MICAL3: variants seen among roughly 807,000 people sequenced by gnomAD.
MICAL3 encodes microtubule associated monooxygenase, calponin and LIM domain containing 3.
MICAL3 carries 62 observed loss-of-function variants against 207.4 expected under a neutral mutation model. That is an observed-to-expected ratio of 0.30 (90% CI 0.24 to 0.37). The LOEUF (loss-of-function observed/expected upper bound fraction) is 0.37, where lower values mean the gene tolerates loss of function less well. MICAL3 is among the 10% of genes least tolerant of loss of function. The pLI, the probability that MICAL3 is intolerant of heterozygous loss-of-function variation, is 1.00. For synonymous variants in MICAL3, 1,077 were observed against 1,069.3 expected (o/e 1.01, Z -0.14); for missense variants, 2,368 against 2,635.6 (o/e 0.90, Z 2.22).
intron 1 of MICAL3, among the ~76,000 whole-genome samples, chr22:17,960,983 G>C (rs1484305713): frequency 6.6e-6 from 1 of 152,106 alleles, no homozygotes; most frequent in African/African-American, 2.4e-5. Context: ...CATTGACTGG[G>C]GTGCGAGGGG....
At chr22:17,995,999 A>G (rs1419021149) in intron 1 of MICAL3, among the ~76,000 whole-genome samples, 1 of 151,912 alleles carries the variant, frequency 6.6e-6, no homozygotes, top group East Asian at 1.9e-4. Context: ...CATCTCTACA[A>G]AAAATTTTAA....
intron 19 of MICAL3, chr22:17,861,588 G>A (rs1926520245): frequency 1.0e-6 from 1 of 985,306 alleles, no homozygotes; most frequent in South Asian, 4.7e-5. Flanking sequence ...TCATGTCCAA[G>A]GGGAAAATAA....
chr22:17,939,232 T>A (rs569770373), intron 1 of MICAL3, among the ~76,000 whole-genome samples: 1 of 152,184 alleles, frequency 6.6e-6, no homozygotes, highest in East Asian at 1.9e-4. Context: ...CCCCTCAACC[T>A]TGGACTTCCC....
Position 17,832,023 on chromosome 22 carries a change from C to G in MICAL3, c.2886G>C (p.Pro962=), listed in dbSNP as rs1275619029. 6.2e-7 allele frequency: 1 copy of G among 1,606,546 alleles called. No individual in the cohort carries two copies. The highest frequency in any genetic ancestry group is 2.2e-5 in the East Asian group (1 of 44,666). The change falls in exon 21 of 32, where the codon CCG becomes CCC. Residue 962 remains proline, a synonymous_variant. Transcript: ENST00000441493. The part of the protein sequence containing the change: ...RLPPSDLGGV[P]WKEAVRIHAL... ...CATGGATCCGCACGGCCTCCTTCCA[C>G]GGAACACCACCCAGGTCAGATGGGG...
chr22:17,966,527 G>A (rs1935151056), intron 1 of MICAL3, among the ~76,000 whole-genome samples: 1 of 152,204 alleles, frequency 6.6e-6, no homozygotes, highest in Non-Finnish European at 1.5e-5. Flanking sequence ...TTCCTCAGGG[G>A]AAGAACCATG....
At chr22:17,899,601 T>C in intron 6 of MICAL3, 53 bp from the exon 7 acceptor site, 1 of 1,187,568 alleles carries the variant, frequency 8.4e-7, no homozygotes, top group South Asian at 1.3e-5. Flanking sequence ...TGAAGGTGCA[T>C]CAGGGCAGGC....
intron 29 of MICAL3, among the ~76,000 whole-genome samples, chr22:17,798,512 T>C (rs1178137439): frequency 3.3e-5 from 5 of 152,324 alleles, no homozygotes; most frequent in Admixed American, 6.5e-5. Flanking sequence ...CCTGCCTCTC[T>C]GGGCAGCCAC....
At chr22:17,810,431 G>C (rs397877) in intron 28 of MICAL3, among the ~76,000 whole-genome samples, 76,695 of 151,374 alleles carry the variant, frequency 0.51, 22,380 homozygotes, top group African/African-American at 0.83. Flanking sequence ...CTCCTGACCT[G>C]AAGTGATCCG....
chr22:17,878,653 C>T (rs1401461555), intron 16 of MICAL3, among the ~76,000 whole-genome samples: 1 of 152,114 alleles, frequency 6.6e-6, no homozygotes, highest in Non-Finnish European at 1.5e-5. Flanking sequence ...AGAGCTGTAC[C>T]CACTTGGAGA....
chr22:17,789,334 C>G lies in MICAL3; in HGVS notation c.*1398G>C, dbSNP rs934724363. ...ATGATTCCAGGGTCCCACCTTGCAC[C>G]CTCTTGGCCTGTGTGGATGAGGGCC... On this transcript the variant is annotated 3_prime_UTR_variant, in exon 32 of 32. Coordinates refer to ENST00000441493, the MANE Select transcript of MICAL3 (RefSeq NM_015241.3). 1 of 152,246 alleles carries G rather than the reference C, an allele frequency of 6.6e-6. No homozygotes were observed. Among genetic ancestry groups the G allele is most frequent in the Non-Finnish European group, 1.5e-5 (1 of 68,056 alleles). The allele number at this position is 152,246 out of a possible 1,614,324, so 9.4% of individuals were successfully genotyped here. A position where few individuals can be genotyped will look rare whatever the true frequency, so the allele number is the denominator to read the frequency against.
At chr22:18,021,224 A>G (rs1321856236) in intron 1 of MICAL3, among the ~76,000 whole-genome samples, 1 of 152,218 alleles carries the variant, frequency 6.6e-6, no homozygotes, top group African/African-American at 2.4e-5. Context: ...GGTAATAGAA[A>G]TGAGATATGG....
At chr22:17,888,902 C>G (rs1050746518) in intron 13 of MICAL3, 132 bp downstream of exon 13, 2 of 593,478 alleles carry the variant, frequency 3.4e-6, no homozygotes, top group South Asian at 5.2e-5. Flanking sequence ...ATTTCCCTGA[C>G]AGCTAACTGG....
In MICAL3 at chr22:17,900,627, C is replaced by A. The variant is rs904717509; in HGVS notation, c.847+215G>T. Among the ~76,000 whole-genome samples, 2 of 152,110 alleles carry A rather than the reference C, an allele frequency of 1.3e-5. No homozygotes were observed. Among genetic ancestry groups the A allele is most frequent in the Non-Finnish European group, 2.9e-5 (2 of 68,026 alleles). ...AAACAAAAAACAAAACCCAGAGCCG[C>A]CCAGTCACTGTGAGGAGGTTAAGAA... On this transcript the variant is annotated intron_variant, in intron 6 of 31. Coordinates refer to ENST00000441493, the MANE Select transcript of MICAL3 (RefSeq NM_015241.3). The surrounding 1 kb of genome is among the most constrained non-coding windows in gnomAD (Gnocchi z 4.0).
At chr22:17,894,134 G>A (rs1930624893) in intron 10 of MICAL3, among the ~76,000 whole-genome samples, 2 of 152,076 alleles carry the variant, frequency 1.3e-5, no homozygotes, top group African/African-American at 2.4e-5. Flanking sequence ...ACACAGGGCC[G>A]GGTGCGGTGG....
At chr22:17,834,046 C>A (rs1253020423) in intron 20 of MICAL3, among the ~76,000 whole-genome samples, 1 of 152,210 alleles carries the variant, frequency 6.6e-6, no homozygotes, top group Non-Finnish European at 1.5e-5. Context: ...AACTATCAAA[C>A]CTGTGGGTGA....
intron 16 of MICAL3, 55 bp from the exon 17 acceptor site, chr22:17,872,078 G>A (rs745459748): frequency 3.4e-6 from 5 of 1,484,656 alleles, no homozygotes; most frequent in Non-Finnish European, 4.6e-6. Context: ...TGCCACACAG[G>A]CCCTCCTAGA....
intron 1 of MICAL3, among the ~76,000 whole-genome samples, chr22:17,970,834 C>T (rs2146409917): frequency 1.3e-5 from 2 of 152,170 alleles, no homozygotes; most frequent in Non-Finnish European, 2.9e-5. Flanking sequence ...GATTTCAGCA[C>T]CCCACCCGAT....
chr22:17,960,558 A>C (rs1338012318), intron 1 of MICAL3, among the ~76,000 whole-genome samples: 1 of 152,150 alleles, frequency 6.6e-6, no homozygotes, highest in African/African-American at 2.4e-5. Flanking sequence ...TGTGTGTGGG[A>C]AGGAGACTCC....
intron 29 of MICAL3, among the ~76,000 whole-genome samples, chr22:17,799,214 C>T (rs2061911053): frequency 6.6e-6 from 1 of 152,108 alleles, no homozygotes; most frequent in Non-Finnish European, 1.5e-5. Context: ...GAAACCCCGT[C>T]TCTACTAAAA....
Sources: gnomAD v4.1 joint callset for allele counts (sites outside exome capture counted in the v4.1 genomes callset) on GRCh38, gnomAD v4.1.1 for gene constraint, Gnocchi (gnomAD v3.1) non-coding constraint, MANE v1.5 for transcripts, NCBI Gene and HGNC (gene_info 2026-07-23, HGNC 2026-07-21) for gene names.